The following CHN1 variants were observed in gnomAD, a reference collection of about 807,000 sequenced individuals.
The protein encoded by CHN1 is chimerin 1.
In CHN1, 37 loss-of-function variants were observed where a neutral mutation model predicts 59.5. That is an observed-to-expected ratio of 0.62 (90% CI 0.48 to 0.82). CHN1 has a LOEUF of 0.82. Among genes scored for constraint, CHN1 ranks in the 40% least tolerant of loss-of-function variants. The pLI is 0.00. For synonymous variants in CHN1, 206 were observed against 200.4 expected (o/e 1.03, Z -0.24); for missense variants, 469 against 571.0 (o/e 0.82, Z 1.82).
rs536951405 is a variant in CHN1, at chr2:174,908,036, T to C, written c.260+7022A>G. Among the ~76,000 whole-genome samples, 23 of 152,326 alleles carry C rather than the reference T, an allele frequency of 1.5e-4. No individual in the cohort carries two copies. The South Asian group carries it at 4.8e-3, about 32-fold the overall frequency. On this transcript the variant is annotated intron_variant, in intron 5 of 12. Coordinates refer to ENST00000409900, the MANE Select transcript of CHN1 (RefSeq NM_001822.7). ...ATCAACAGGAAAGTGCCAAGTATTG[T>C]AGGTATAAGGCATTCTCTGGAATAT... is the stretch of plus-strand genomic sequence containing the variant.
At chr2:174,981,567 C>T (rs759059192) in intron 1 of CHN1, among the ~76,000 whole-genome samples, 9 of 152,172 alleles carry the variant, frequency 5.9e-5, no homozygotes, top group South Asian at 4.1e-4. Flanking sequence ...TCCCTCATGA[C>T]GAATGCCTGA....
chr2:174,996,500 C>T (rs1256313844), intron 1 of CHN1, among the ~76,000 whole-genome samples: 1 of 152,144 alleles, frequency 6.6e-6, no homozygotes, highest in Non-Finnish European at 1.5e-5. Flanking sequence ...TCATTTATTC[C>T]TGCACAGATG....
chr2:174,932,558 G>T (rs1260838272), intron 3 of CHN1, among the ~76,000 whole-genome samples: 1 of 152,172 alleles, frequency 6.6e-6, no homozygotes, highest in Non-Finnish European at 1.5e-5. Flanking sequence ...CATGAAACAG[G>T]TTACCACTAA....
At chr2:174,898,841 A>T (rs1222930252) in intron 5 of CHN1, among the ~76,000 whole-genome samples, 3 of 152,248 alleles carry the variant, frequency 2.0e-5, no homozygotes, top group African/African-American at 7.2e-5. Context: ...AACAAAATTA[A>T]TAAACTAAAA....
At chr2:174,939,946 G>T (rs142383400) in intron 3 of CHN1, among the ~76,000 whole-genome samples, 1 of 152,102 alleles carries the variant, frequency 6.6e-6, no homozygotes, top group Non-Finnish European at 1.5e-5. Flanking sequence ...AAGCTATATT[G>T]TGTTTTAAAC....
intron 8 of CHN1, among the ~76,000 whole-genome samples, chr2:174,819,998 T>C (rs1478399939): frequency 3.9e-5 from 6 of 152,050 alleles, no homozygotes; most frequent in South Asian, 2.1e-4. Context: ...ATGAACTCAT[T>C]ATTTTTTATG....
At chr2:174,874,458 T>C (rs1347147660) in intron 6 of CHN1, among the ~76,000 whole-genome samples, 5 of 152,178 alleles carry the variant, frequency 3.3e-5, no homozygotes, top group African/African-American at 7.2e-5. Flanking sequence ...AAAAATGACA[T>C]AGCTATCACT....
chr2:174,996,581 G>A (rs1691718688), intron 1 of CHN1, among the ~76,000 whole-genome samples: 2 of 152,036 alleles, frequency 1.3e-5, no homozygotes, highest in Admixed American at 1.3e-4. Context: ...CCTTGGCAGA[G>A]AAAGGAGTAA....
intron 6 of CHN1, among the ~76,000 whole-genome samples, chr2:174,861,659 A>C (rs541888704): frequency 1.3e-5 from 2 of 152,364 alleles, no homozygotes; most frequent in African/African-American, 4.8e-5. Flanking sequence ...GTCAAAATGT[A>C]TGCAGAATAT....
chr2:174,812,794 A>AAT (rs1032053512), intron 8 of CHN1, among the ~76,000 whole-genome samples: 1 of 152,172 alleles, frequency 6.6e-6, no homozygotes, highest in African/African-American at 2.4e-5. Flanking sequence ...TCAAATAGCC[A>AAT]AAAAAAAAAC....
chr2:174,921,137 G>A, intron 3 of CHN1: 1 of 323,352 alleles, frequency 3.1e-6, no homozygotes, highest in Non-Finnish European at 6.9e-6. Flanking sequence ...ACCTCCTGCT[G>A]TGCAGCCTGG....
intron 6 of CHN1, 39 bp downstream of exon 6, chr2:174,877,801 A>G (rs763278741): frequency 6.4e-7 from 1 of 1,572,958 alleles, no homozygotes; most frequent in Admixed American, 1.8e-5. Context: ...AAAGAACCCC[A>G]AACAGAAAAA....
chr2:174,914,456 T>C (rs1194546316), intron 5 of CHN1, among the ~76,000 whole-genome samples: 2 of 152,170 alleles, frequency 1.3e-5, no homozygotes, highest in African/African-American at 4.8e-5. Flanking sequence ...CTTGATCTCT[T>C]TCCTTATTCA....
chr2:174,964,632 TA>T (rs2105430519), intron 1 of CHN1, among the ~76,000 whole-genome samples: 1 of 152,312 alleles, frequency 6.6e-6, no homozygotes, highest in East Asian at 1.9e-4. Context: ...CACATTCTTC[TA>T]AAGTCTTTGA....
At chr2:174,958,383 G>A (rs1002868607) in intron 1 of CHN1, among the ~76,000 whole-genome samples, 2 of 152,184 alleles carry the variant, frequency 1.3e-5, no homozygotes, top group African/African-American at 4.8e-5. Flanking sequence ...AGTCCATGAA[G>A]GTGGTTGGGG....
chr2:174,882,769 A>G (rs1687775605), intron 5 of CHN1, among the ~76,000 whole-genome samples: 1 of 152,230 alleles, frequency 6.6e-6, no homozygotes, highest in Admixed American at 6.5e-5. Flanking sequence ...CTAATGGTGA[A>G]ATATAAATAT....
chr2:174,881,573 C>T (rs775417537), intron 5 of CHN1, among the ~76,000 whole-genome samples: 19 of 152,168 alleles, frequency 1.2e-4, no homozygotes, highest in Non-Finnish European at 2.1e-4. Context: ...TTCTCCTTCT[C>T]TGTTAGCTTA....
At chr2:174,919,167 G>A (rs1406545429) in intron 3 of CHN1, among the ~76,000 whole-genome samples, 3 of 152,126 alleles carry the variant, frequency 2.0e-5, no homozygotes, top group Non-Finnish European at 4.4e-5. Flanking sequence ...TACCTGCAGG[G>A]ACACATTACT....
At chr2:174,970,488 A>G (rs906875583) in intron 1 of CHN1, among the ~76,000 whole-genome samples, 2 of 152,238 alleles carry the variant, frequency 1.3e-5, no homozygotes, top group Non-Finnish European at 2.9e-5. Context: ...TGTATCCACC[A>G]CCATGAGCTT....
Sources: gnomAD v4.1 joint callset for allele counts (sites outside exome capture counted in the v4.1 genomes callset) on GRCh38, gnomAD v4.1.1 for gene constraint, MANE v1.5 for transcripts, NCBI Gene and HGNC (gene_info 2026-07-23, HGNC 2026-07-21) for gene names.